Variants in HEATR4 observed in about 807,000 individuals in gnomAD.
HEATR4 encodes the protein HEAT repeat containing 4.
HEATR4 carries 95 observed loss-of-function variants against 108.8 expected under a neutral mutation model. The ratio of observed to expected loss-of-function variants is 0.87; its 90% CI spans 0.74 to 1.04. The LOEUF (loss-of-function observed/expected upper bound fraction) is 1.04, where lower values mean the gene tolerates loss of function less well. Among genes scored for constraint, HEATR4 ranks in the 50% least tolerant of loss-of-function variants. The pLI is 0.00. For synonymous variants in HEATR4, 443 were observed against 459.4 expected (o/e 0.96, Z 0.46); for missense variants, 1,152 against 1,253.8 (o/e 0.92, Z 1.23).
At chr14:73,578,627 C>T in the HEATR4 span, among the ~76,000 whole-genome samples, 3 of 152,016 alleles carry the variant, frequency 2.0e-5, no homozygotes, top group South Asian at 2.1e-4. Flanking sequence ...GTTCATTAAA[C>T]TAACATGCTC....
the HEATR4 span, among the ~76,000 whole-genome samples, chr14:73,578,196 G>A: frequency 6.6e-6 from 1 of 151,118 alleles, no homozygotes; most frequent in Non-Finnish European, 1.5e-5. Flanking sequence ...GCATCACAGG[G>A]GTTCAGATCA....
chr14:73,632,587 T>A, the HEATR4 span, among the ~76,000 whole-genome samples: 1 of 151,380 alleles, frequency 6.6e-6, no homozygotes, highest in Non-Finnish European at 1.5e-5. Flanking sequence ...CTCATGCCTG[T>A]AATCCCAGCA....
chr14:73,579,654 C>T, the HEATR4 span, among the ~76,000 whole-genome samples: 1 of 150,560 alleles, frequency 6.6e-6, no homozygotes, highest in Non-Finnish European at 1.5e-5. Flanking sequence ...TGGGCTCAGG[C>T]AATCTTCCCA....
the HEATR4 span, among the ~76,000 whole-genome samples, chr14:73,587,377 G>A: frequency 6.6e-3 from 993 of 150,784 alleles, 14 homozygotes; most frequent in African/African-American, 0.023. Context: ...TTTTGAGACA[G>A]AGTCTTGCTC....
At chr14:73,627,966 G>A in the HEATR4 span, among the ~76,000 whole-genome samples, 1 of 152,140 alleles carries the variant, frequency 6.6e-6, no homozygotes, top group Admixed American at 6.6e-5. Context: ...GTGCCACCAA[G>A]CCTGGCTAAT....
Position 73,479,439 on chromosome 14 carries a change from C to CT in HEATR4, c.2845-598dup, listed in dbSNP as rs71112760. On this transcript the variant is annotated intron_variant, in intron 17 of 17. Transcript: ENST00000553558. ...TTTTTTTTTCTTTCTTTCTTTCTTT[C>CT]TTTTTTTTTTTTTTTTGAGACGGAG... is the stretch of plus-strand genomic sequence containing the variant. Among the ~76,000 whole-genome samples, 388 of 107,666 alleles carry CT rather than the reference C, an allele frequency of 3.6e-3. 5 individuals carry two copies. The highest frequency in any genetic ancestry group is 5.6e-3 in the African/African-American group (149 of 26,636). The allele number at this position is 107,666 out of a possible 152,430, so 70.6% of individuals were successfully genotyped here. A position where few individuals can be genotyped will look rare whatever the true frequency, so the allele number is the denominator to read the frequency against.
intron 17 of HEATR4, among the ~76,000 whole-genome samples, chr14:73,484,851 CACACACACACAT>C (rs1311147306): frequency 7.9e-5 from 12 of 151,566 alleles, no homozygotes; most frequent in Non-Finnish European, 5.9e-5. Context: ...CACACACACA[CACACACACACAT>C]ATATGGTTTT....
intron 14 of HEATR4, among the ~76,000 whole-genome samples, chr14:73,497,376 T>TACTGAACACCTTTATGACAGGC (rs1471186921): frequency 1.3e-5 from 2 of 152,182 alleles, no homozygotes; most frequent in African/African-American, 2.4e-5. Context: ...AGGTACCATT[T>TACTGAACACCTTTATGACAGGC]ACTGAACACC....
chr14:73,612,217 T>A, the HEATR4 span, among the ~76,000 whole-genome samples: 1 of 152,080 alleles, frequency 6.6e-6, no homozygotes, highest in African/African-American at 2.4e-5. Context: ...ATTTTGTATT[T>A]TCAGTAGAGA....
the HEATR4 span, among the ~76,000 whole-genome samples, chr14:73,587,304 T>C: frequency 6.6e-6 from 1 of 152,070 alleles, no homozygotes; most frequent in Admixed American, 6.6e-5. Flanking sequence ...AAAAATAGGA[T>C]ATATTTTGAC....
Position 73,478,754 on chromosome 14 carries a change from TTGACAAG to T in HEATR4, c.2926_2932del (p.Leu976LysfsTer?), listed in dbSNP as rs1330231399. 1.2e-6 allele frequency: 2 copies of T among 1,613,758 alleles called. No individual in the cohort carries two copies. Among genetic ancestry groups the T allele is most frequent in the Non-Finnish European group, 1.7e-6 (2 of 1,179,928 alleles). On this transcript the variant is annotated frameshift_variant, in exon 18 of 18. Transcript: ENST00000553558. LOFTEE classifies it high-confidence loss of function. ...TTTCTCGGGGGAGGTGCGTAGATCT[TTGACAAG>T]TGATGAACGAACTTTGCTTCGTGTG...
chr14:73,483,303 A>T (rs752427841), intron 17 of HEATR4, among the ~76,000 whole-genome samples: 6 of 152,222 alleles, frequency 3.9e-5, no homozygotes, highest in Non-Finnish European at 7.3e-5. Context: ...AATAAATTTT[A>T]AAACCTTCAT....
At chr14:73,590,467 G>A in the HEATR4 span, among the ~76,000 whole-genome samples, 4 of 152,252 alleles carry the variant, frequency 2.6e-5, no homozygotes, top group African/African-American at 4.8e-5. Context: ...CCAGTCCCGC[G>A]CCGTGCGCCC....
the HEATR4 span, chr14:73,595,664 C>T: frequency 2.0e-5 from 31 of 1,513,322 alleles, no homozygotes; most frequent in Non-Finnish European, 2.7e-5. Flanking sequence ...ATGCATTTGT[C>T]TGTTGTTGAC....
At chr14:73,494,948 C>T (rs947235921) in intron 16 of HEATR4, among the ~76,000 whole-genome samples, 5 of 152,072 alleles carry the variant, frequency 3.3e-5, no homozygotes, top group African/African-American at 1.2e-4. Flanking sequence ...TTTATAAAGA[C>T]TTGTGTTTTT....
chr14:73,528,552 TTGTC>T (rs1251592040), intron 2 of HEATR4, among the ~76,000 whole-genome samples: 1 of 152,154 alleles, frequency 6.6e-6, no homozygotes, highest in Non-Finnish European at 1.5e-5. Flanking sequence ...TGGCTTGTCT[TTGTC>T]TGCCTTGGAG....
chr14:73,519,800 A>G (rs1887864781), intron 4 of HEATR4, among the ~76,000 whole-genome samples: 1 of 152,146 alleles, frequency 6.6e-6, no homozygotes, highest in African/African-American at 2.4e-5. Context: ...GGCGGATCAC[A>G]AGGTCAAGAG....
chr14:73,486,137 A>G (rs1349910605), intron 17 of HEATR4, among the ~76,000 whole-genome samples: 1 of 152,140 alleles, frequency 6.6e-6, no homozygotes, highest in East Asian at 1.9e-4. Context: ...TCCTGGTACT[A>G]TTGACATTTG....
intron 17 of HEATR4, chr14:73,490,975 C>A: frequency 1.5e-6 from 2 of 1,317,136 alleles, no homozygotes; most frequent in Non-Finnish European, 1.9e-6. Flanking sequence ...GCTTTAGCTT[C>A]GCCCCCGGCC....
Sources: gnomAD v4.1 joint callset for allele counts (sites outside exome capture counted in the v4.1 genomes callset) on GRCh38, gnomAD v4.1.1 for gene constraint, MANE v1.5 for transcripts, NCBI Gene and HGNC (gene_info 2026-07-23, HGNC 2026-07-21) for gene names.